APMAP: variants seen among roughly 807,000 people sequenced by gnomAD.
APMAP encodes the protein adipocyte plasma membrane-associated protein.
A neutral mutation model predicts 43.6 loss-of-function variants in APMAP; 33 were observed. The observed-to-expected ratio is 0.76, with a 90% CI of 0.57 to 1.01. The LOEUF is 1.01. APMAP is among the 50% of genes least tolerant of loss of function. APMAP has a pLI of 0.00. For missense variants in APMAP, 498 were observed against 540.7 expected (o/e 0.92, Z 0.78); for synonymous variants, 224 against 216.7 (o/e 1.03, Z -0.30).
At chr20:24,966,043 C>G (rs1388655332) in intron 8 of APMAP, among the ~76,000 whole-genome samples, 1 of 152,188 alleles carries the variant, frequency 6.6e-6, no homozygotes, top group Non-Finnish European at 1.5e-5. Context: ...CCTTAGGGAC[C>G]TGGGAGCAGC....
In APMAP at chr20:24,991,626, C is replaced by T. The variant is rs75460178; in HGVS notation, c.95+968G>A. ...AAAACTGCCTCTCATTCATATGTAC[C>T]CCACCACCTCTTGGCACACTACTGA... is the stretch of plus-strand genomic sequence containing the variant. On this transcript the variant is annotated intron_variant, in intron 1 of 8. Coordinates refer to ENST00000217456, the MANE Select transcript of APMAP (RefSeq NM_020531.3). Among the ~76,000 whole-genome samples, 25 of 152,066 alleles carry T rather than the reference C, an allele frequency of 1.6e-4. No homozygotes were observed. The East Asian group carries it at 4.6e-3, about 28-fold the overall frequency.
intron 3 of APMAP, among the ~76,000 whole-genome samples, chr20:24,976,232 C>T (rs2088049262): frequency 6.6e-6 from 1 of 152,142 alleles, no homozygotes; most frequent in Admixed American, 6.5e-5. Flanking sequence ...TCTTGCTCTA[C>T]AGAAGATACT....
chr20:24,966,626 C>A (rs183280334), intron 8 of APMAP, among the ~76,000 whole-genome samples: 1 of 152,164 alleles, frequency 6.6e-6, no homozygotes, highest in Non-Finnish European at 1.5e-5. Context: ...CTGACCTGTA[C>A]GCTTTCAAAG....
chr20:24,985,871 C>G (rs1379183170), intron 1 of APMAP, among the ~76,000 whole-genome samples: 2 of 152,152 alleles, frequency 1.3e-5, no homozygotes, highest in South Asian at 4.2e-4. Flanking sequence ...TAACTGGGCA[C>G]GAACACTGCT....
intron 2 of APMAP, among the ~76,000 whole-genome samples, chr20:24,980,451 C>T (rs1490772254): frequency 2.0e-5 from 3 of 151,810 alleles, no homozygotes; most frequent in East Asian, 2.0e-4. Context: ...CTCAACACGC[C>T]GGGCAGCATG....
intron 3 of APMAP, among the ~76,000 whole-genome samples, chr20:24,975,927 G>A (rs1484517574): frequency 6.6e-6 from 1 of 152,184 alleles, no homozygotes; most frequent in Non-Finnish European, 1.5e-5. Context: ...ATGCATAATG[G>A]AGAAAAGACA....
chr20:24,969,133 G>A, intron 7 of APMAP, 49 bp from the exon 8 acceptor site: 1 of 1,502,344 alleles, frequency 6.7e-7, no homozygotes, highest in Non-Finnish European at 8.9e-7. Flanking sequence ...CTCAATTTCA[G>A]AAAAAAAATT....
At chr20:24,974,602 C>T (rs902095206) in intron 3 of APMAP, among the ~76,000 whole-genome samples, 1 of 152,052 alleles carries the variant, frequency 6.6e-6, no homozygotes, top group African/African-American at 2.4e-5. Context: ...GTACAAGAAA[C>T]CCACTTTAAA....
At chr20:24,969,116 A>G (rs374907536) in intron 7 of APMAP, 32 bp from the exon 8 acceptor site, 50 of 1,534,292 alleles carry the variant, frequency 3.3e-5, no homozygotes, top group Admixed American at 4.5e-5. Flanking sequence ...AGAGTGAACC[A>G]TAGCCCCTCA....
At chr20:24,979,678 A>G (rs1470151988) in intron 2 of APMAP, among the ~76,000 whole-genome samples, 1 of 151,074 alleles carries the variant, frequency 6.6e-6, no homozygotes, top group Non-Finnish European at 1.5e-5. Context: ...TCTATTCTCA[A>G]TCCAGCAGCC....
Position 24,969,525 on chromosome 20 carries a change from CCTT to C in APMAP, c.846_848del (p.Arg283del). On this transcript the variant is annotated inframe_deletion and splice_region_variant, in exon 7 of 9. Coordinates refer to ENST00000217456, the MANE Select transcript of APMAP (RefSeq NM_020531.3). ...GATGGCTCAGCTAATCCCACACACA[CCTT>C]CGTATCCTGGCCATGGTTGTTTCTG... 1 of 1,609,552 alleles carries C rather than the reference CCTT, an allele frequency of 6.2e-7. No homozygotes were observed. The highest frequency in any genetic ancestry group is 8.5e-7 in the Non-Finnish European group (1 of 1,176,602).
Position 24,963,781 on chromosome 20 carries a change from G to C in APMAP, c.*32C>G. 1 of 1,605,512 alleles carries C rather than the reference G, an allele frequency of 6.2e-7. No homozygotes were observed. Among genetic ancestry groups the C allele is most frequent in the Non-Finnish European group, 8.5e-7 (1 of 1,172,918 alleles). On this transcript the variant is annotated 3_prime_UTR_variant, in exon 9 of 9. Transcript: ENST00000217456. Reference sequence around the variant, plus strand: ...TGGTGCCTGAGTGTGAAGACTCCTGGCCTGCGTGGCAGGGGCAGCTATCTG... The same window carrying C: ...TGGTGCCTGAGTGTGAAGACTCCTGCCCTGCGTGGCAGGGGCAGCTATCTG...
At chr20:24,992,397 T>C (rs569905745) in intron 1 of APMAP, among the ~76,000 whole-genome samples, 197 bp downstream of exon 1, 1 of 152,324 alleles carries the variant, frequency 6.6e-6, no homozygotes, top group Admixed American at 6.5e-5. Flanking sequence ...CTGAAAGACC[T>C]GGCAGGTACA....
At chr20:24,968,269 G>A (rs1028016798) in intron 8 of APMAP, among the ~76,000 whole-genome samples, 1 of 152,220 alleles carries the variant, frequency 6.6e-6, no homozygotes, top group Non-Finnish European at 1.5e-5. Flanking sequence ...TGTTGAAGGG[G>A]CCATGGCTGG....
intron 8 of APMAP, among the ~76,000 whole-genome samples, chr20:24,967,228 G>A (rs2087952631): frequency 1.3e-5 from 2 of 152,240 alleles, no homozygotes; most frequent in Admixed American, 6.5e-5. Context: ...CCAGGAGGCA[G>A]AGGTTGCAGT....
At chr20:24,984,357 T>C (rs142948131) in intron 1 of APMAP, among the ~76,000 whole-genome samples, 52 of 152,292 alleles carry the variant, frequency 3.4e-4, no homozygotes, top group African/African-American at 1.2e-3. Flanking sequence ...AGAGTTCTAA[T>C]GACATAAATG....
chr20:24,965,867 G>C (rs1600278821), intron 8 of APMAP, among the ~76,000 whole-genome samples: 1 of 152,186 alleles, frequency 6.6e-6, no homozygotes, highest in Admixed American at 6.5e-5. Context: ...GTACAAATAG[G>C]GGGAAAAATA....
At chr20:24,983,726 C>T (rs2088123764) in intron 2 of APMAP, among the ~76,000 whole-genome samples, 177 bp downstream of exon 2, 1 of 152,070 alleles carries the variant, frequency 6.6e-6, no homozygotes, top group South Asian at 2.1e-4. Context: ...ATGCATATTT[C>T]CTGAGTAACA....
At chr20:24,977,144 C>A (rs1223937238) in intron 3 of APMAP, among the ~76,000 whole-genome samples, 1 of 152,206 alleles carries the variant, frequency 6.6e-6, no homozygotes, top group Non-Finnish European at 1.5e-5. Flanking sequence ...ATGTATAAAA[C>A]CAAGAGTGAA....
Sources: gnomAD v4.1 joint callset for allele counts (sites outside exome capture counted in the v4.1 genomes callset) on GRCh38, gnomAD v4.1.1 for gene constraint, MANE v1.5 for transcripts, NCBI Gene and HGNC (gene_info 2026-07-23, HGNC 2026-07-21) for gene names.